Variants in ASCC3 observed in about 807,000 individuals in gnomAD.
ASCC3 encodes the protein activating signal cointegrator 1 complex subunit 3.
Under a neutral mutation model 256.3 loss-of-function variants are expected in ASCC3, and 158 were observed. That is an observed-to-expected ratio of 0.62 (90% CI 0.54 to 0.70). The LOEUF is 0.70. ASCC3 is among the 30% of genes least tolerant of loss of function. The probability of loss-of-function intolerance (pLI) is 0.00; values close to 1 mark genes in which losing one functional copy is unlikely to be tolerated. For synonymous variants in ASCC3, 948 were observed against 883.4 expected (o/e 1.07, Z -1.30); for missense variants, 2,259 against 2,626.0 (o/e 0.86, Z 3.05).
chr6:100,835,078 C>T (rs1483951538), intron 4 of ASCC3, among the ~76,000 whole-genome samples: 2 of 146,754 alleles, frequency 1.4e-5, no homozygotes, highest in South Asian at 2.1e-4. Flanking sequence ...AATAAGCCTT[C>T]GAGGAAAAAA....
intron 8 of ASCC3, among the ~76,000 whole-genome samples, chr6:100,792,033 C>T (rs899477072): frequency 6.6e-6 from 1 of 151,824 alleles, no homozygotes; most frequent in African/African-American, 2.4e-5. Context: ...TATTTGGCTT[C>T]CTATAAATTA....
At chr6:100,781,639 C>T (rs1223229241) in intron 8 of ASCC3, among the ~76,000 whole-genome samples, 4 of 151,540 alleles carry the variant, frequency 2.6e-5, no homozygotes, top group Admixed American at 6.6e-5. Context: ...CTACCTGCCT[C>T]GGCCTCCCAA....
intron 1 of ASCC3, among the ~76,000 whole-genome samples, chr6:100,870,066 C>A (rs776061222): frequency 2.6e-5 from 4 of 152,038 alleles, no homozygotes; most frequent in Admixed American, 6.6e-5. Flanking sequence ...TTAAATACTT[C>A]AATTATTGTC....
In ASCC3 at chr6:100,638,584, T is replaced by C; in HGVS notation, c.4122+17A>G. 6.4e-7 allele frequency: 1 copy of C among 1,566,840 alleles called. No homozygotes were observed. The highest frequency in any genetic ancestry group is 1.7e-5 in the Admixed American group (1 of 59,724). ...TGTCTTTTCTAATTAAATGTAAGTA[T>C]GATTCTTTCAACAGACCTTTGAAGT... On this transcript the variant is annotated intron_variant, in intron 25 of 41. Transcript: ENST00000369162.
chr6:100,509,950 G>GT lies in ASCC3; in HGVS notation c.6442dup (p.Thr2148AsnfsTer3). On this transcript the variant is annotated frameshift_variant, in exon 41 of 42. Transcript: ENST00000369162. LOFTEE classifies it high-confidence loss of function. ...TTCTTACCTTCCAGGTATTTCAGGG[G>GT]TATAAAAAGAAAGGGAAGCAACATG... 1 of 1,613,720 alleles carries GT rather than the reference G, an allele frequency of 6.2e-7. No homozygotes were observed. The highest frequency in any genetic ancestry group is 8.5e-7 in the Non-Finnish European group (1 of 1,179,830).
Position 100,638,526 on chromosome 6 carries a change from TATTTAG to T in ASCC3, c.4122+69_4122+74del, listed in dbSNP as rs1473324766. ...ATCTATTCATTAGACCCTGCCAATA[TATTTAG>T]AACTGTCTAGTTTAGAGATTATGAA... On this transcript the variant is annotated intron_variant, in intron 25 of 41. Transcript: ENST00000369162. 5 of 1,246,094 alleles carry T rather than the reference TATTTAG, an allele frequency of 4.0e-6. No individual in the cohort carries two copies. The Admixed American group carries it at 7.9e-5, about 20-fold the overall frequency. 77.2% of individuals were successfully genotyped at this position (1,246,094 alleles called of 1,614,324 possible).
intron 37 of ASCC3, among the ~76,000 whole-genome samples, chr6:100,519,167 CTG>C (rs1432597806): frequency 6.6e-6 from 1 of 152,078 alleles, no homozygotes; most frequent in East Asian, 1.9e-4. Flanking sequence ...ATATCCCACT[CTG>C]TTCTCTAATT....
At chr6:100,644,501 C>CATGCATCA (rs1419419197) in intron 22 of ASCC3, among the ~76,000 whole-genome samples, 2 of 152,138 alleles carry the variant, frequency 1.3e-5, no homozygotes, top group Non-Finnish European at 2.9e-5. Context: ...TATGTTTTAG[C>CATGCATCA]ATGCATCAAT....
At chr6:100,871,280 G>C (rs1430133331) in intron 1 of ASCC3, among the ~76,000 whole-genome samples, 2 of 152,038 alleles carry the variant, frequency 1.3e-5, no homozygotes, top group African/African-American at 4.8e-5. Context: ...ATTTTTAGCA[G>C]AGATGGGGCT....
intron 4 of ASCC3, among the ~76,000 whole-genome samples, chr6:100,819,736 G>C (rs1328093356): frequency 6.6e-6 from 1 of 152,152 alleles, no homozygotes; most frequent in African/African-American, 2.4e-5. Context: ...TTCTAGCCAT[G>C]CTGGCAGCTG....
At chr6:100,731,750 C>G in intron 10 of ASCC3, among the ~76,000 whole-genome samples, 1 of 152,064 alleles carries the variant, frequency 6.6e-6, no homozygotes, top group East Asian at 1.9e-4. Flanking sequence ...AAAGCAAAAC[C>G]AAACCAAACC....
chr6:100,737,463 A>C (rs888597146), intron 10 of ASCC3, among the ~76,000 whole-genome samples: 1 of 152,040 alleles, frequency 6.6e-6, no homozygotes, highest in Non-Finnish European at 1.5e-5. Flanking sequence ...CTGACTTATA[A>C]GTGAGAATAG....
Position 100,662,361 on chromosome 6 carries a change from T to A in ASCC3, c.2462A>T (p.His821Leu). The A allele has an allele frequency of 6.2e-7, 1 of 1,612,904 alleles. No individual in the cohort carries two copies. Among genetic ancestry groups the A allele is most frequent in the Non-Finnish European group, 8.5e-7 (1 of 1,179,258 alleles). ...TLAWGVNLPA[H>L]AVIIKGTQIY... The stretch of plus-strand genomic sequence containing the variant: ...AGCTCTTACCTTAATAATAACAGCA[T>A]GGGCGGGAAGATTGACACCCCAGGC... Residue 821 changes from histidine (H) to leucine (L), a missense_variant, in exon 15 of 42, where the codon CAT (histidine) becomes CTT (leucine). His to Leu is a moderately conservative substitution (Grantham distance 99). This residue lies in a region of ASCC3 where 1,839 missense variants were observed against 2,206.7 expected (regional missense o/e 0.83). Transcript: ENST00000369162.
intron 41 of ASCC3, 96 bp downstream of exon 41, chr6:100,509,836 A>G (rs1053620339): frequency 8.0e-6 from 10 of 1,244,140 alleles, no homozygotes; most frequent in South Asian, 1.3e-5. Flanking sequence ...TGCAGTGAGC[A>G]GAGATCGCGC....
chr6:100,628,937 T>C (rs1199570812), intron 27 of ASCC3, 78 bp downstream of exon 27: 3 of 1,275,418 alleles, frequency 2.4e-6, no homozygotes, highest in Non-Finnish European at 2.2e-6. Context: ...AAATATTACA[T>C]GCAAATTAAA....
At chr6:100,596,840 A>C (rs979422315) in intron 34 of ASCC3, among the ~76,000 whole-genome samples, 12 of 152,152 alleles carry the variant, frequency 7.9e-5, no homozygotes, top group African/African-American at 2.9e-4. Context: ...TTCATCCAGA[A>C]CGAAAGTCAA....
intron 10 of ASCC3, among the ~76,000 whole-genome samples, chr6:100,737,944 T>G (rs1369649663): frequency 6.6e-6 from 1 of 152,210 alleles, no homozygotes; most frequent in East Asian, 1.9e-4. Flanking sequence ...GGTATCTCAT[T>G]GTGGTTTTAA....
intron 36 of ASCC3, among the ~76,000 whole-genome samples, chr6:100,556,031 T>G (rs1263575344): frequency 6.6e-6 from 1 of 152,134 alleles, no homozygotes. Context: ...ATAATCTTTC[T>G]AATTACCTTG....
rs984514506 is a variant in ASCC3, at chr6:100,534,507, T to A, written c.5775+5656A>T. 2.0e-5 allele frequency among the ~76,000 whole-genome samples: 3 copies of A among 152,194 alleles called. No homozygotes were observed. The South Asian group carries it at 6.2e-4, about 32-fold the overall frequency. On this transcript the variant is annotated intron_variant, in intron 37 of 41. Coordinates refer to ENST00000369162, the MANE Select transcript of ASCC3 (RefSeq NM_006828.4). ...TACATTTTACAAATACATTTTGCAG[T>A]TAATATGATCAAGAAGAGGATTTCA...
Sources: gnomAD v4.1 joint callset for allele counts (sites outside exome capture counted in the v4.1 genomes callset) on GRCh38, gnomAD v4.1.1 for gene constraint, gnomAD v4.1.1 regional missense constraint, MANE v1.5 for transcripts, NCBI Gene and HGNC (gene_info 2026-07-23, HGNC 2026-07-21) for gene names.